Variants in PTPRE observed in about 807,000 individuals in gnomAD.
PTPRE encodes the protein protein tyrosine phosphatase receptor type E, also known as receptor-type tyrosine-protein phosphatase epsilon.
A neutral mutation model predicts 102.0 loss-of-function variants in PTPRE; 51 were observed. That is an observed-to-expected ratio of 0.50 (90% CI 0.40 to 0.63). PTPRE has a LOEUF of 0.63. PTPRE is among the 30% of genes least tolerant of loss of function. PTPRE has a pLI of 0.00. For synonymous variants in PTPRE, 345 were observed against 348.2 expected (o/e 0.99, Z 0.10); for missense variants, 752 against 915.1 (o/e 0.82, Z 2.30).
At chr10:127,983,299 G>T (rs1485856569) in intron 2 of PTPRE, among the ~76,000 whole-genome samples, 1 of 152,212 alleles carries the variant, frequency 6.6e-6, no homozygotes, top group Non-Finnish European at 1.5e-5. Context: ...GATTAAGCTA[G>T]AGAAGAGGGA....
intron 3 of PTPRE, among the ~76,000 whole-genome samples, 177 bp from the exon 4 acceptor site, chr10:128,047,213 C>G (rs1177619015): frequency 1.3e-5 from 2 of 152,218 alleles, no homozygotes; most frequent in African/African-American, 4.8e-5. Context: ...TCTGAGTCAA[C>G]AGCAACAACT....
chr10:127,982,179 A>G, intron 1 of PTPRE, 95 bp from the exon 2 acceptor site: 2 of 684,302 alleles, frequency 2.9e-6, no homozygotes, highest in Non-Finnish European at 4.2e-6. Flanking sequence ...AAAATGGGAT[A>G]GTCGACTAGT....
chr10:127,954,914 G>A (rs887481132), intron 1 of PTPRE, among the ~76,000 whole-genome samples: 8 of 151,514 alleles, frequency 5.3e-5, no homozygotes, highest in Admixed American at 2.6e-4. Flanking sequence ...GAGTGCTTCC[G>A]CCAGGAGACA....
At chr10:128,076,777 C>T (rs1342847523) in intron 18 of PTPRE, 49 bp downstream of exon 18, 1 of 1,604,288 alleles carries the variant, frequency 6.2e-7, no homozygotes, top group Admixed American at 1.7e-5. Context: ...GTGAACCACG[C>T]CCTCCCTCTG....
chr10:127,965,035 T>C (rs182218504), intron 1 of PTPRE: 1 of 456,672 alleles, frequency 2.2e-6, no homozygotes, highest in Non-Finnish European at 4.4e-6. Context: ...TCTTTTTTCC[T>C]AATTTCTCAG....
chr10:128,082,793 G>T, intron 20 of PTPRE, 39 bp from the exon 21 acceptor site: 2 of 1,520,996 alleles, frequency 1.3e-6, no homozygotes, highest in Non-Finnish European at 1.7e-6. Flanking sequence ...ATATATTTTT[G>T]GGAATATCAT....
chr10:127,976,487 G>A (rs944748512), intron 1 of PTPRE, among the ~76,000 whole-genome samples: 1 of 152,122 alleles, frequency 6.6e-6, no homozygotes, highest in Non-Finnish European at 1.5e-5. Flanking sequence ...AGGCAGGCAG[G>A]GATGCACGTG....
At chr10:127,979,091 T>C (rs1178626548) in intron 1 of PTPRE, among the ~76,000 whole-genome samples, 1 of 152,154 alleles carries the variant, frequency 6.6e-6, no homozygotes, top group African/African-American at 2.4e-5. Flanking sequence ...AGGATAGTTG[T>C]TAGATGTGGG....
At chr10:127,971,793 C>T (rs1447536622) in intron 1 of PTPRE, among the ~76,000 whole-genome samples, 1 of 152,210 alleles carries the variant, frequency 6.6e-6, no homozygotes, top group Non-Finnish European at 1.5e-5. Context: ...ATGTGGGTGG[C>T]TCCCTCAGGC....
At chr10:128,051,241 G>T (rs2135871337) in intron 6 of PTPRE, among the ~76,000 whole-genome samples, 1 of 152,314 alleles carries the variant, frequency 6.6e-6, no homozygotes, top group African/African-American at 2.4e-5. Context: ...AAAAGAGGGG[G>T]CCACTCCCAG....
chr10:128,067,772 C>T (rs941155891), intron 11 of PTPRE, among the ~76,000 whole-genome samples: 9 of 152,322 alleles, frequency 5.9e-5, no homozygotes, highest in African/African-American at 1.7e-4. Flanking sequence ...TCAGCACCAC[C>T]GGCCTGAGGT....
intron 2 of PTPRE, among the ~76,000 whole-genome samples, chr10:128,014,428 C>T (rs186203910): frequency 5.9e-5 from 9 of 152,248 alleles, no homozygotes; most frequent in East Asian, 1.9e-4. Flanking sequence ...TTCCTTCAAA[C>T]GGCGTGTATC....
intron 2 of PTPRE, among the ~76,000 whole-genome samples, chr10:128,000,802 C>T (rs117660156): frequency 6.6e-6 from 1 of 152,312 alleles, no homozygotes; most frequent in East Asian, 1.9e-4. Context: ...GAGGAAGAGT[C>T]GTCCCTGGCA....
intron 6 of PTPRE, among the ~76,000 whole-genome samples, chr10:128,052,731 G>A (rs1848649521): frequency 6.6e-6 from 1 of 152,166 alleles, no homozygotes; most frequent in Non-Finnish European, 1.5e-5. Context: ...CAAGCCAAGT[G>A]CCTAGGACTA....
chr10:128,056,206 C>T lies in PTPRE; in HGVS notation c.504C>T (p.Ile168=). 6.2e-7 allele frequency: 1 copy of T among 1,602,408 alleles called. No homozygotes were observed. The highest frequency in any genetic ancestry group is 8.6e-7 in the Non-Finnish European group (1 of 1,169,462). ...ENREKNRYPN[I]LPNDHSRVIL... ...GAGAAAAAAACAGATATCCCAACATCCTTCCCAGTAAGATTTTATTTTATG... is the reference window on the plus strand; with the variant it reads ...GAGAAAAAAACAGATATCCCAACATTCTTCCCAGTAAGATTTTATTTTATG... The change falls in exon 7 of 21, where the codon ATC becomes ATT. Residue 168 remains isoleucine (I), a synonymous_variant. Transcript: ENST00000254667.
intron 1 of PTPRE, among the ~76,000 whole-genome samples, chr10:127,977,933 ACCAGCCAAAGCT>A (rs1005872573): frequency 5.3e-5 from 8 of 152,254 alleles, no homozygotes; most frequent in Admixed American, 1.3e-4. Context: ...CCAGGGACTC[ACCAGCCAAAGCT>A]CCAGCCAAAG....
chr10:128,016,677 G>A (rs1245921312), intron 2 of PTPRE, among the ~76,000 whole-genome samples: 1 of 152,048 alleles, frequency 6.6e-6, no homozygotes, highest in African/African-American at 2.4e-5. Context: ...GCTCAGAGGG[G>A]ACCACAGGGA....
intron 1 of PTPRE, among the ~76,000 whole-genome samples, chr10:127,940,779 G>A (rs372941402): frequency 7.9e-4 from 121 of 152,302 alleles, no homozygotes; most frequent in African/African-American, 2.5e-3. Context: ...GAGTAGTAGG[G>A]ATTACAGGCT....
chr10:128,060,408 T>G (rs1327575550), intron 7 of PTPRE, among the ~76,000 whole-genome samples: 1 of 152,154 alleles, frequency 6.6e-6, no homozygotes, highest in Non-Finnish European at 1.5e-5. Flanking sequence ...TGGGGCAGAC[T>G]CCGGTGGTGG....
Sources: allele counts gnomAD v4.1 joint callset (sites outside exome capture counted in the v4.1 genomes callset), GRCh38; gene constraint gnomAD v4.1.1; transcripts MANE v1.5; gene names NCBI Gene and HGNC (gene_info 2026-07-23, HGNC 2026-07-21).